The following TMEM131L variants were observed in gnomAD, a reference collection of about 807,000 sequenced individuals.
TMEM131L encodes the protein transmembrane protein 131-like.
In TMEM131L, 54 loss-of-function variants were observed where a neutral mutation model predicts 192.2. The ratio of observed to expected loss-of-function variants is 0.28; its 90% CI spans 0.23 to 0.35. TMEM131L has a LOEUF of 0.35. TMEM131L is among the 10% of genes least tolerant of loss of function. TMEM131L has a pLI of 1.00. For missense variants in TMEM131L, 1,888 were observed against 1,972.9 expected (o/e 0.96, Z 0.82); for synonymous variants, 701 against 704.9 (o/e 0.99, Z 0.09).
intron 2 of TMEM131L, among the ~76,000 whole-genome samples, chr4:153,469,686 G>C (rs183152655): frequency 1.7e-4 from 26 of 152,260 alleles, no homozygotes; most frequent in Admixed American, 5.9e-4. Context: ...CAGCACTTTG[G>C]AAGGCTGAGA....
chr4:153,581,123 G>A (rs1331685424), intron 8 of TMEM131L, among the ~76,000 whole-genome samples: 3 of 152,184 alleles, frequency 2.0e-5, no homozygotes, highest in Non-Finnish European at 2.9e-5. Context: ...GCGTGCTGGC[G>A]GGTGCCCGTA....
In TMEM131L at chr4:153,593,779, AT is replaced by A; in HGVS notation, c.1923-17del. ...GGCAGATGTGAGTGCTGTTTTAAAC[AT>A]TTGCTTTTTTCCTTATAGGTTTGGC... On this transcript the variant is annotated intron_variant, in intron 18 of 34. Coordinates refer to ENST00000409959, the MANE Select transcript of TMEM131L (RefSeq NM_001131007.2). 6.4e-7 allele frequency: 1 copy of A among 1,560,572 alleles called. No homozygotes were observed. Among genetic ancestry groups the A allele is most frequent in the Non-Finnish European group, 8.8e-7 (1 of 1,130,992 alleles).
intron 32 of TMEM131L, among the ~76,000 whole-genome samples, chr4:153,633,572 AAT>A (rs1285941969): frequency 6.6e-6 from 1 of 152,180 alleles, no homozygotes; most frequent in African/African-American, 2.4e-5. Flanking sequence ...AATATTGAAA[AAT>A]AGTTACACAA....
intron 3 of TMEM131L, among the ~76,000 whole-genome samples, chr4:153,488,852 G>A (rs1001356843): frequency 1.1e-4 from 17 of 152,044 alleles, no homozygotes; most frequent in African/African-American, 3.6e-4. Context: ...CTGCGGGCTC[G>A]CCGGCAGCCT....
intron 3 of TMEM131L, among the ~76,000 whole-genome samples, chr4:153,481,683 C>T (rs2016847): frequency 0.24 from 36,882 of 151,830 alleles, 5,039 homozygotes; most frequent in South Asian, 0.4. Flanking sequence ...CCACAGTCAC[C>T]TGCCACCACG....
intron 3 of TMEM131L, among the ~76,000 whole-genome samples, chr4:153,520,026 A>G (rs1275476951): frequency 6.6e-6 from 1 of 152,196 alleles, no homozygotes; most frequent in African/African-American, 2.4e-5. Context: ...TGCCTGGGGA[A>G]GGTCTGTGTA....
rs559155260 is a variant in TMEM131L, at chr4:153,614,638, G to T, written c.3567+2238G>T. On this transcript the variant is annotated intron_variant, in intron 26 of 34. Transcript: ENST00000409959. ...TCATTTTTATAAAGACTGTCAGGAT[G>T]CCTGTTACGTAGAATCAGTGTAGTT... Among the ~76,000 whole-genome samples, 16 of 152,308 alleles carry T rather than the reference G, an allele frequency of 1.1e-4. No individual in the cohort carries two copies. The South Asian group carries it at 3.3e-3, about 32-fold the overall frequency.
In TMEM131L at chr4:153,539,785, G is replaced by A. The variant is rs533906074; in HGVS notation, c.240-10288G>A. On this transcript the variant is annotated intron_variant, in intron 3 of 34. Transcript: ENST00000409959. ...TGTATTTGTCTGAAGATCATTTTGA[G>A]ATATTTGCTCATATTGGGACTTTAA... 2.0e-5 allele frequency among the ~76,000 whole-genome samples: 3 copies of A among 148,546 alleles called. No homozygotes were observed. The South Asian group carries it at 6.3e-4, about 31-fold the overall frequency.
At chr4:153,532,008 C>T (rs1322821896) in intron 3 of TMEM131L, among the ~76,000 whole-genome samples, 1 of 152,202 alleles carries the variant, frequency 6.6e-6, no homozygotes, top group East Asian at 1.9e-4. Flanking sequence ...GTTCTCCAGT[C>T]TAGTAGAGCC....
chr4:153,534,260 A>T (rs1013719915), intron 3 of TMEM131L, among the ~76,000 whole-genome samples: 4 of 152,146 alleles, frequency 2.6e-5, no homozygotes, highest in Admixed American at 2.6e-4. Context: ...AAAACTGCGA[A>T]ACTAAATTTT....
At chr4:153,537,538 G>A (rs1172588474) in intron 3 of TMEM131L, among the ~76,000 whole-genome samples, 1 of 152,156 alleles carries the variant, frequency 6.6e-6, no homozygotes, top group African/African-American at 2.4e-5. Context: ...GACCGTATAG[G>A]GTAACATACT....
At chr4:153,469,990 A>G (rs1023791353) in intron 2 of TMEM131L, among the ~76,000 whole-genome samples, 2 of 151,954 alleles carry the variant, frequency 1.3e-5, no homozygotes, top group East Asian at 1.9e-4. Context: ...CACTGTTTGT[A>G]TAGTTATTTA....
intron 3 of TMEM131L, among the ~76,000 whole-genome samples, chr4:153,546,719 G>A (rs1342610010): frequency 2.0e-5 from 3 of 152,226 alleles, no homozygotes; most frequent in Non-Finnish European, 2.9e-5. Flanking sequence ...CCTGAGGTCA[G>A]GAGTTTGAGA....
chr4:153,631,278 C>T (rs1055769648), intron 31 of TMEM131L, among the ~76,000 whole-genome samples: 1 of 152,220 alleles, frequency 6.6e-6, no homozygotes, highest in Admixed American at 6.5e-5. Flanking sequence ...AACAACTTCA[C>T]TTCAGGTGCA....
At chr4:153,488,655 T>A (rs1464879321) in intron 3 of TMEM131L, among the ~76,000 whole-genome samples, 2 of 152,160 alleles carry the variant, frequency 1.3e-5, no homozygotes, top group Admixed American at 1.3e-4. Context: ...AGGAAGCAAC[T>A]CAAGTTCAAG....
intron 3 of TMEM131L, among the ~76,000 whole-genome samples, chr4:153,497,143 T>C (rs1446223366): frequency 6.6e-6 from 1 of 152,236 alleles, no homozygotes; most frequent in Non-Finnish European, 1.5e-5. Flanking sequence ...ATTACTGGCA[T>C]GAGCCAGCAC....
At chr4:153,559,913 C>T (rs1328049516) in intron 7 of TMEM131L, among the ~76,000 whole-genome samples, 1 of 152,032 alleles carries the variant, frequency 6.6e-6, no homozygotes, top group African/African-American at 2.4e-5. Context: ...TGTTCTTGGT[C>T]TCTAGTTCAT....
intron 17 of TMEM131L, 69 bp from the exon 18 acceptor site, chr4:153,592,406 T>G: frequency 9.9e-7 from 1 of 1,005,422 alleles, no homozygotes; most frequent in African/African-American, 1.6e-5. Context: ...TTATGCTTTT[T>G]GGCCAGAATA....
At chr4:153,471,097 C>T (rs896590681) in intron 2 of TMEM131L, among the ~76,000 whole-genome samples, 13 of 152,048 alleles carry the variant, frequency 8.5e-5, no homozygotes, top group African/African-American at 2.9e-4. Context: ...AAGTGCTTCT[C>T]CTGCCTGAGC....
Sources: allele counts gnomAD v4.1 joint callset (sites outside exome capture counted in the v4.1 genomes callset), GRCh38; gene constraint gnomAD v4.1.1; transcripts MANE v1.5; gene names NCBI Gene and HGNC (gene_info 2026-07-23, HGNC 2026-07-21).